MACROD2: variants seen among roughly 807,000 people sequenced by gnomAD.
The protein encoded by MACROD2 is ADP-ribose glycohydrolase MACROD2.
In MACROD2, 36 loss-of-function variants were observed where a neutral mutation model predicts 70.4. The ratio of observed to expected loss-of-function variants is 0.51; its 90% CI spans 0.39 to 0.68. The LOEUF (loss-of-function observed/expected upper bound fraction) is 0.68, where lower values mean the gene tolerates loss of function less well. Among genes scored for constraint, MACROD2 ranks in the 30% least tolerant of loss-of-function variants. MACROD2 has a pLI of 0.00. For synonymous variants in MACROD2, 172 were observed against 178.8 expected, an observed-to-expected ratio of 0.96 and a Z score of 0.30; for missense variants, 496 against 538.4, an observed-to-expected ratio of 0.92 and a Z score of 0.78.
intron 8 of MACROD2, among the ~76,000 whole-genome samples, chr20:15,698,867 T>C (rs951949332): frequency 3.9e-5 from 6 of 152,194 alleles, no homozygotes; most frequent in African/African-American, 1.4e-4. Context: ...TTCAATTCTA[T>C]TGCTGAGACT....
intron 5 of MACROD2, among the ~76,000 whole-genome samples, chr20:14,690,711 G>C (rs1600544821): frequency 6.6e-6 from 1 of 152,286 alleles, no homozygotes; most frequent in East Asian, 1.9e-4. Context: ...TGTTAGCCAG[G>C]CCTGCTGCCT....
intron 5 of MACROD2, among the ~76,000 whole-genome samples, chr20:15,136,462 A>G (rs1366798047): frequency 6.6e-6 from 1 of 152,202 alleles, no homozygotes; most frequent in Admixed American, 6.5e-5. Flanking sequence ...GCAATGGGGA[A>G]AGGATTCCCT....
At chr20:14,580,643 T>C (rs879772501) in intron 4 of MACROD2, among the ~76,000 whole-genome samples, 25 of 152,296 alleles carry the variant, frequency 1.6e-4, no homozygotes, top group Non-Finnish European at 3.1e-4. Context: ...CTTAAGCAGG[T>C]GGTCAGGTCA....
At position 14,703,252 on chromosome 20, in the gene MACROD2, G is replaced by T. The variant is rs1423680563; in HGVS notation, c.418+18293G>T. On this transcript the variant is annotated intron_variant, in intron 5 of 17. Transcript: ENST00000684519. ...CTTTGCCTCCTGGATCGGGATTGCT[G>T]GTTGGGAGGGACTGTGTGGTAAAAT... Among the ~76,000 whole-genome samples, 3 of 152,090 alleles carry T rather than the reference G, an allele frequency of 2.0e-5. 1 individual carries two copies. Among genetic ancestry groups the T allele is most frequent in the African/African-American group, 7.2e-5 (3 of 41,406 alleles).
At chr20:15,249,138 C>T in intron 6 of MACROD2, among the ~76,000 whole-genome samples, 1 of 152,166 alleles carries the variant, frequency 6.6e-6, no homozygotes, top group Non-Finnish European at 1.5e-5. Flanking sequence ...TGTCTACCAA[C>T]CCCTGTCGCC....
chr20:14,051,434 T>C (rs763407189), intron 2 of MACROD2, among the ~76,000 whole-genome samples: 3 of 152,166 alleles, frequency 2.0e-5, no homozygotes, highest in African/African-American at 4.8e-5. Context: ...CCCCTATTAT[T>C]CCTGGACGTT....
At chr20:15,538,536 A>G (rs537996806) in intron 8 of MACROD2, among the ~76,000 whole-genome samples, 50 of 152,326 alleles carry the variant, frequency 3.3e-4, no homozygotes, top group African/African-American at 9.1e-4. Context: ...TTCCAGATGA[A>G]TCAACTGGTT....
intron 8 of MACROD2, among the ~76,000 whole-genome samples, chr20:15,772,284 G>A (rs909946226): frequency 1.3e-5 from 2 of 151,206 alleles, no homozygotes; most frequent in Non-Finnish European, 2.9e-5. Context: ...AGAAACACAG[G>A]ATTTACTCAG....
intron 6 of MACROD2, among the ~76,000 whole-genome samples, chr20:15,430,697 G>A (rs908621853): frequency 6.6e-6 from 1 of 151,828 alleles, no homozygotes; most frequent in Non-Finnish European, 1.5e-5. Flanking sequence ...TGTCAAAAAA[G>A]GGGTACATAT....
At chr20:14,769,873 A>G (rs1387677327) in intron 5 of MACROD2, among the ~76,000 whole-genome samples, 2 of 152,118 alleles carry the variant, frequency 1.3e-5, no homozygotes, top group African/African-American at 4.8e-5. Context: ...AGCAATCAGC[A>G]TTATTTATGA....
chr20:14,403,003 A>G (rs2083654481), intron 3 of MACROD2, among the ~76,000 whole-genome samples: 1 of 152,198 alleles, frequency 6.6e-6, no homozygotes. Flanking sequence ...TTCAAAATCT[A>G]GAACTCATAT....
chr20:14,612,420 T>C (rs1392095995), intron 4 of MACROD2, among the ~76,000 whole-genome samples: 1 of 152,098 alleles, frequency 6.6e-6, no homozygotes, highest in Non-Finnish European at 1.5e-5. Flanking sequence ...CTGTAGACTT[T>C]GTGGATATTG....
At chr20:14,628,213 G>A (rs577681882) in intron 4 of MACROD2, among the ~76,000 whole-genome samples, 146 of 152,292 alleles carry the variant, frequency 9.6e-4, no homozygotes, top group Non-Finnish European at 1.5e-3. Flanking sequence ...GCAGAGAGCT[G>A]TTGGCATCTG....
intron 4 of MACROD2, among the ~76,000 whole-genome samples, chr20:14,510,060 T>C (rs2085011783): frequency 6.6e-6 from 1 of 152,086 alleles, no homozygotes; most frequent in Non-Finnish European, 1.5e-5. Flanking sequence ...GTGGAACTCA[T>C]TTCTAACTTA....
rs907542573 is a variant in MACROD2, at chr20:14,388,682, C to T, written c.272-104797C>T. ...TCAGAACTAGCAGGCCATCTGCAGC[C>T]GCAGACCTCAATCTATGGCACATCT... On this transcript the variant is annotated intron_variant, in intron 3 of 17. Coordinates refer to ENST00000684519, the MANE Select transcript of MACROD2 (RefSeq NM_001351661.2). Among the ~76,000 whole-genome samples, 13 of 152,174 alleles carry T rather than the reference C, an allele frequency of 8.5e-5. No homozygotes were observed. The East Asian group carries it at 9.7e-4, about 11-fold the overall frequency.
intron 8 of MACROD2, among the ~76,000 whole-genome samples, chr20:15,659,136 A>T (rs942769104): frequency 3.3e-5 from 5 of 152,116 alleles, no homozygotes; most frequent in African/African-American, 9.7e-5. Flanking sequence ...CCCACTGTAT[A>T]TGATGTCAGA....
chr20:14,427,019 T>C (rs7261427), intron 3 of MACROD2, among the ~76,000 whole-genome samples: 2,300 of 152,274 alleles, frequency 0.015, 52 homozygotes, highest in African/African-American at 0.051. Context: ...ATCTTTGAAG[T>C]ACCCATAACC....
intron 8 of MACROD2, among the ~76,000 whole-genome samples, chr20:15,677,146 A>G (rs2050068377): frequency 6.6e-6 from 1 of 152,250 alleles, no homozygotes; most frequent in African/African-American, 2.4e-5. Flanking sequence ...TTGTGAGTAC[A>G]GAGCTATTAA....
chr20:15,447,765 T>C (rs74594035), intron 7 of MACROD2, among the ~76,000 whole-genome samples: 6,380 of 152,186 alleles, frequency 0.042, 173 homozygotes, highest in Middle Eastern at 0.085. Context: ...ACTGGAAACA[T>C]GGGGTAAAAT....
Sources: gnomAD v4.1 joint callset for allele counts (sites outside exome capture counted in the v4.1 genomes callset) on GRCh38, gnomAD v4.1.1 for gene constraint, MANE v1.5 for transcripts, NCBI Gene and HGNC (gene_info 2026-07-23, HGNC 2026-07-21) for gene names.